TLK1: variants seen among roughly 807,000 people sequenced by gnomAD.
TLK1 encodes the protein serine/threonine-protein kinase tousled-like 1.
A neutral mutation model predicts 105.3 loss-of-function variants in TLK1; 24 were observed. That is an observed-to-expected ratio of 0.23 (90% CI 0.17 to 0.32). TLK1 has a LOEUF of 0.32. Ranked by LOEUF, TLK1 falls within the 10% of genes least tolerant of loss-of-function variation. The pLI, the probability that TLK1 is intolerant of heterozygous loss-of-function variation, is 1.00. For missense variants in TLK1, 558 were observed against 910.5 expected (o/e 0.61, Z 4.98); for synonymous variants, 321 against 310.4 (o/e 1.03, Z -0.36).
upstream of TLK1, among the ~76,000 whole-genome samples, chr2:171,163,372 A>G (rs1052827136): frequency 6.6e-6 from 1 of 152,214 alleles, no homozygotes; most frequent in Non-Finnish European, 1.5e-5. Context: ...TTATACCTAA[A>G]TACATGCACT....
In TLK1 at chr2:171,193,700, A is replaced by ATT. The variant is rs35175399; in HGVS notation, c.-6+37443_-6+37444dup. ...ATAGGCGTGAGCCACAGCGCCTGGC[A>ATT]TTTTTTTTTTTTTTTTTTTTTTTTT... On this transcript the variant is annotated intron_variant, in intron 1 of 20. Coordinates refer to the TLK1 transcript ENST00000521943. Among the ~76,000 whole-genome samples the ATT allele has an allele frequency of 1.2e-3, 80 of 64,626 alleles. 1 individual carries two copies. The highest frequency in any genetic ancestry group is 3.9e-3 in the East Asian group (9 of 2,286). The allele number at this position is 64,626 out of a possible 152,430, so 42.4% of individuals were successfully genotyped here.
chr2:171,125,901 C>T (rs1386927583), intron 1 of TLK1, among the ~76,000 whole-genome samples: 1 of 152,084 alleles, frequency 6.6e-6, no homozygotes, highest in Non-Finnish European at 1.5e-5. Context: ...AGAAAACACA[C>T]TTCAAAGATT....
At chr2:171,228,739 C>A (rs1693941842) in intron 1 of TLK1, among the ~76,000 whole-genome samples, 1 of 152,086 alleles carries the variant, frequency 6.6e-6, no homozygotes, top group Non-Finnish European at 1.5e-5. Flanking sequence ...CACTGACTGT[C>A]TCTTTTTTAG....
At chr2:171,170,745 C>T (rs763661627) in intron 1 of TLK1, among the ~76,000 whole-genome samples, 2 of 152,190 alleles carry the variant, frequency 1.3e-5, no homozygotes, top group African/African-American at 2.4e-5. Context: ...TTGTTTGGTG[C>T]TTTATTTGCT....
intron 11 of TLK1, among the ~76,000 whole-genome samples, chr2:171,037,606 T>A (rs540735551): frequency 5.3e-5 from 8 of 151,946 alleles, no homozygotes; most frequent in Admixed American, 2.0e-4. Context: ...TTTTTTAAAA[T>A]TTTTCGTATC....
intron 2 of TLK1, among the ~76,000 whole-genome samples, chr2:171,109,153 C>T (rs1384469190): frequency 6.6e-6 from 1 of 152,046 alleles, no homozygotes. Context: ...GTTGACAATG[C>T]AAGGAGATAT....
chr2:171,162,336 G>C (rs534454810), upstream of TLK1, among the ~76,000 whole-genome samples: 6 of 152,188 alleles, frequency 3.9e-5, no homozygotes, highest in Non-Finnish European at 8.8e-5. Flanking sequence ...TCAGGAGTTT[G>C]AGACCAGCCT....
chr2:171,001,312 C>T (rs185912861), intron 18 of TLK1, among the ~76,000 whole-genome samples: 26 of 152,220 alleles, frequency 1.7e-4, no homozygotes, highest in African/African-American at 5.8e-4. Context: ...GATCTAGAGG[C>T]TGAATTAGAT....
At chr2:171,218,298 A>AC (rs1245941221) in intron 1 of TLK1, among the ~76,000 whole-genome samples, 17 of 151,954 alleles carry the variant, frequency 1.1e-4, no homozygotes, top group Non-Finnish European at 1.9e-4. Context: ...AACAACAACA[A>AC]AAAAAAAACA....
intron 1 of TLK1, among the ~76,000 whole-genome samples, chr2:171,221,051 A>G (rs1693801327): frequency 6.6e-6 from 1 of 152,114 alleles, no homozygotes; most frequent in South Asian, 2.1e-4. Flanking sequence ...ATTTCCACAG[A>G]GAAAAATTGG....
intron 3 of TLK1, among the ~76,000 whole-genome samples, chr2:171,070,292 T>C (rs1688191997): frequency 6.7e-6 from 1 of 148,162 alleles, no homozygotes; most frequent in African/African-American, 2.5e-5. Flanking sequence ...TTACAAACAA[T>C]CCACTTATAG....
rs991938642 is a variant in TLK1 at position 170,991,351 on chromosome 2, C to T, written c.*2429G>A. ...CCTTGAAATCATTTAGCAATAGATA[C>T]CAACTTTCCATGTGAGGGTAAAAGT... On this transcript the variant is annotated 3_prime_UTR_variant, in exon 21 of 21. Coordinates refer to ENST00000431350, the MANE Select transcript of TLK1 (RefSeq NM_012290.5). 6.6e-6 allele frequency: 1 copy of T among 152,124 alleles called. No individual in the cohort carries two copies. The highest frequency in any genetic ancestry group is 1.5e-5 in the Non-Finnish European group (1 of 68,016). The allele number at this position is 152,124 out of a possible 1,614,324, so 9.4% of individuals were successfully genotyped here.
In TLK1 at chr2:171,148,111, T is replaced by C. The variant is rs187705442; in HGVS notation, c.139+12179A>G. ...TTCACCGTGTTAGCCTGGATGGTCT[T>C]GATCTCCTGACCTCATGATCCGCCC... On this transcript the variant is annotated intron_variant, in intron 1 of 20. Transcript: ENST00000431350. Among the ~76,000 whole-genome samples the C allele has an allele frequency of 9.2e-5, 14 of 152,216 alleles. No individual in the cohort carries two copies. The East Asian group carries it at 2.7e-3, about 29-fold the overall frequency.
chr2:171,200,805 G>A (rs1417919714), intron 1 of TLK1, among the ~76,000 whole-genome samples: 2 of 151,366 alleles, frequency 1.3e-5, no homozygotes, highest in Non-Finnish European at 1.5e-5. Flanking sequence ...ATTTTAGTTT[G>A]TATTATTTTT....
intron 11 of TLK1, among the ~76,000 whole-genome samples, chr2:171,028,705 T>C (rs1685894973): frequency 6.6e-6 from 1 of 152,238 alleles, no homozygotes; most frequent in Non-Finnish European, 1.5e-5. Flanking sequence ...AATGTTTTAA[T>C]GAGTACCATT....
chr2:171,162,150 G>C (rs941947178), upstream of TLK1, among the ~76,000 whole-genome samples: 2 of 152,228 alleles, frequency 1.3e-5, no homozygotes, highest in Non-Finnish European at 2.9e-5. Context: ...ACTTCAGTGA[G>C]TTTTTAGTCT....
At chr2:171,130,934 CCT>C (rs1299306178) in intron 1 of TLK1, among the ~76,000 whole-genome samples, 1 of 152,086 alleles carries the variant, frequency 6.6e-6, no homozygotes, top group African/African-American at 2.4e-5. Flanking sequence ...TCATAATGGT[CCT>C]CTAGAAAGAC....
At chr2:171,014,730 G>T in intron 13 of TLK1, 121 bp downstream of exon 13, 1 of 726,640 alleles carries the variant, frequency 1.4e-6, no homozygotes. Context: ...CCATGGGAAG[G>T]ACTTTGGATC....
chr2:171,086,584 C>T (rs954752425), intron 2 of TLK1, among the ~76,000 whole-genome samples: 1 of 150,824 alleles, frequency 6.6e-6, no homozygotes, highest in Non-Finnish European at 1.5e-5. Context: ...AGAGATCGCA[C>T]CACTATATGC....
Sources: allele counts gnomAD v4.1 joint callset (sites outside exome capture counted in the v4.1 genomes callset), GRCh38; gene constraint gnomAD v4.1.1; transcripts MANE v1.5; gene names NCBI Gene and HGNC (gene_info 2026-07-23, HGNC 2026-07-21).